The following MYO1D variants were observed in gnomAD, a reference collection of about 807,000 sequenced individuals.
The protein encoded by MYO1D is unconventional myosin-Id.
Under a neutral mutation model 122.0 loss-of-function variants are expected in MYO1D, and 83 were observed. That is an observed-to-expected ratio of 0.68 (90% CI 0.57 to 0.82). The LOEUF (loss-of-function observed/expected upper bound fraction) is 0.82, where lower values mean the gene tolerates loss of function less well. MYO1D is among the 40% of genes least tolerant of loss of function. MYO1D has a pLI of 0.00. For synonymous variants in MYO1D, 464 were observed against 446.9 expected (o/e 1.04, Z -0.48); for missense variants, 1,157 against 1,269.5 (o/e 0.91, Z 1.35).
At chr17:32,764,341 T>C (rs1328110284) in intron 8 of MYO1D, among the ~76,000 whole-genome samples, 1 of 152,200 alleles carries the variant, frequency 6.6e-6, no homozygotes, top group African/African-American at 2.4e-5. Context: ...GAATAATTTG[T>C]GGTGATCCAC....
At chr17:32,687,623 G>A (rs181186738) in intron 16 of MYO1D, among the ~76,000 whole-genome samples, 6 of 152,284 alleles carry the variant, frequency 3.9e-5, no homozygotes, top group South Asian at 2.1e-4. Context: ...GATTACAGGC[G>A]TGAGCCACTG....
At chr17:32,560,945 C>G (rs2087119836) in intron 21 of MYO1D, among the ~76,000 whole-genome samples, 1 of 142,622 alleles carries the variant, frequency 7.0e-6, no homozygotes, top group Non-Finnish European at 1.5e-5. Flanking sequence ...GAGTCTTGCT[C>G]TTGCTGCCCA....
At chr17:32,643,733 G>T (rs1253756747) in intron 19 of MYO1D, among the ~76,000 whole-genome samples, 4 of 152,126 alleles carry the variant, frequency 2.6e-5, no homozygotes, top group African/African-American at 9.7e-5. Context: ...ATTCTCTGAT[G>T]GTAGTTTGTA....
At chr17:32,814,362 C>A (rs1427643035) in intron 1 of MYO1D, among the ~76,000 whole-genome samples, 2 of 152,084 alleles carry the variant, frequency 1.3e-5, no homozygotes, top group Non-Finnish European at 2.9e-5. Context: ...AAAACAAAAA[C>A]AAAAAACACT....
At chr17:32,532,583 C>T (rs540314103) in intron 21 of MYO1D, among the ~76,000 whole-genome samples, 26 of 151,984 alleles carry the variant, frequency 1.7e-4, no homozygotes, top group African/African-American at 5.6e-4. Context: ...AAAAATTAGC[C>T]GGGCGTGGTG....
rs186043783 is a variant in MYO1D, at chr17:32,755,261, T to C, written c.1467+231A>G. Reference sequence around the variant, plus strand: ...TTTTTCCTGTTTCTACCAAATTGCATAGTCTGGAGCTCCCTCTCCTGGATT... The same window carrying C: ...TTTTTCCTGTTTCTACCAAATTGCACAGTCTGGAGCTCCCTCTCCTGGATT... On this transcript the variant is annotated intron_variant, in intron 11 of 21. Transcript: ENST00000318217. Among the ~76,000 whole-genome samples, 13 of 152,342 alleles carry C rather than the reference T, an allele frequency of 8.5e-5. No homozygotes were observed. In the East Asian group the frequency reaches 2.1e-3, roughly 25 times the overall value.
rs755431408 is a variant in MYO1D, at chr17:32,780,603, A to T, written c.277T>A (p.Ser93Thr). 3.1e-6 allele frequency: 5 copies of T among 1,614,128 alleles called. No homozygotes were observed. In the Admixed American group the frequency reaches 8.3e-5, roughly 27 times the overall value. ...GATATCACAATACAAGTGTCTTTTGATCGCCTCTTCATAGCCTTGTAAGCA... is the reference window on the plus strand; with the variant it reads ...GATATCACAATACAAGTGTCTTTTGTTCGCCTCTTCATAGCCTTGTAAGCA... ...DAAYKAMKRR[S>T]KDTCIVISGE... Residue 93 changes from serine to threonine, a missense_variant, in exon 2 of 22, where the codon TCA (serine) becomes ACA (threonine). Ser to Thr is a moderately conservative substitution (Grantham distance 58, BLOSUM62 1). Transcript: ENST00000318217.
Position 32,760,417 on chromosome 17 carries a change from G to GA in MYO1D, c.1182-14dup, listed in dbSNP as rs1567627782. On this transcript the variant is annotated splice_polypyrimidine_tract_variant and intron_variant, in intron 9 of 21. Coordinates refer to ENST00000318217, the MANE Select transcript of MYO1D (RefSeq NM_015194.3). ...GAATTGTTCAAAACTACAAGAAAAG[G>GA]AATAAATTAAGTTTCAACAAATAGA... The GA allele has an allele frequency of 5.0e-6, 8 of 1,604,538 alleles. No homozygotes were observed. The Admixed American group carries it at 1.3e-4, about 27-fold the overall frequency.
chr17:32,870,873 C>T (rs551705683), intron 1 of MYO1D, among the ~76,000 whole-genome samples: 1 of 152,328 alleles, frequency 6.6e-6, no homozygotes, highest in South Asian at 2.1e-4. Context: ...TTATGAGGTT[C>T]AAAGCACCAG....
At chr17:32,563,829 T>C (rs879356974) in intron 21 of MYO1D, among the ~76,000 whole-genome samples, 4 of 152,240 alleles carry the variant, frequency 2.6e-5, no homozygotes, top group South Asian at 2.1e-4. Context: ...AACTGCTACA[T>C]ATTGGTTTAA....
intron 7 of MYO1D, among the ~76,000 whole-genome samples, chr17:32,765,535 T>G (rs558119081): frequency 4.7e-4 from 71 of 152,254 alleles, no homozygotes; most frequent in Admixed American, 3.9e-3. Context: ...CTTGGCTCAC[T>G]GCAAGCTCTG....
intron 13 of MYO1D, among the ~76,000 whole-genome samples, chr17:32,740,893 C>T (rs1157792574): frequency 6.6e-6 from 1 of 152,120 alleles, no homozygotes; most frequent in Admixed American, 6.5e-5. Context: ...TCTCATCTGG[C>T]TAACAAGACA....
intron 20 of MYO1D, among the ~76,000 whole-genome samples, chr17:32,627,469 A>C (rs771189761): frequency 6.6e-6 from 1 of 152,212 alleles, no homozygotes; most frequent in Non-Finnish European, 1.5e-5. Flanking sequence ...AGGACAATCC[A>C]TCTTCCAAAC....
intron 20 of MYO1D, among the ~76,000 whole-genome samples, chr17:32,621,364 T>TG (rs1385375140): frequency 6.6e-6 from 1 of 152,046 alleles, no homozygotes; most frequent in African/African-American, 2.4e-5. Flanking sequence ...TTTAACAAGC[T>TG]GCACTGTGAT....
chr17:32,617,193 A>G (rs902565809), intron 20 of MYO1D, among the ~76,000 whole-genome samples: 1 of 152,120 alleles, frequency 6.6e-6, no homozygotes, highest in African/African-American at 2.4e-5. Flanking sequence ...AGTTAATAAA[A>G]AAAATAAAGA....
chr17:32,607,210 GTC>G (rs2087639748), intron 20 of MYO1D, among the ~76,000 whole-genome samples: 1 of 151,916 alleles, frequency 6.6e-6, no homozygotes, highest in South Asian at 2.1e-4. Context: ...AGAAACACAT[GTC>G]TCTGTTTTCA....
intron 1 of MYO1D, among the ~76,000 whole-genome samples, chr17:32,840,449 C>T (rs1219570618): frequency 6.6e-6 from 1 of 152,188 alleles, no homozygotes; most frequent in East Asian, 1.9e-4. Flanking sequence ...GCCATAAGCA[C>T]AGCCTTGTCC....
intron 15 of MYO1D, among the ~76,000 whole-genome samples, chr17:32,717,705 C>T (rs1356181019): frequency 6.6e-6 from 1 of 152,232 alleles, no homozygotes; most frequent in Non-Finnish European, 1.5e-5. Context: ...CTTGATCAAA[C>T]GTTCATGAGG....
chr17:32,649,473 A>G (rs547597127), intron 19 of MYO1D, among the ~76,000 whole-genome samples: 84 of 148,372 alleles, frequency 5.7e-4, no homozygotes, highest in South Asian at 1.3e-3. Flanking sequence ...GTATCTGGTT[A>G]TTTTTCTTAG....
Sources: allele counts gnomAD v4.1 joint callset (sites outside exome capture counted in the v4.1 genomes callset), GRCh38; gene constraint gnomAD v4.1.1; transcripts MANE v1.5; gene names NCBI Gene and HGNC (gene_info 2026-07-23, HGNC 2026-07-21).